The following SPAST variants were observed in gnomAD, a reference collection of about 807,000 sequenced individuals.
SPAST encodes the protein spastin.
A neutral mutation model predicts 76.6 loss-of-function variants in SPAST; 30 were observed. The ratio of observed to expected loss-of-function variants is 0.39; its 90% confidence interval spans 0.29 to 0.53. SPAST has a LOEUF of 0.53. Among genes scored for constraint, SPAST ranks in the 20% least tolerant of loss-of-function variants. The pLI is 0.68. For missense variants in SPAST, 717 were observed against 770.5 expected (o/e 0.93, Z 0.82); for synonymous variants, 305 against 281.0 (o/e 1.09, Z -0.86).
chr2:32,113,130 T>C (rs1471266598), intron 4 of SPAST, among the ~76,000 whole-genome samples: 1 of 152,076 alleles, frequency 6.6e-6, no homozygotes, highest in Admixed American at 6.6e-5. Context: ...TTGATTATTA[T>C]TATTATTTTT....
intron 1 of SPAST, among the ~76,000 whole-genome samples, chr2:32,069,214 CA>C (rs56319240): frequency 0.29 from 33,365 of 114,552 alleles, 3,968 homozygotes; most frequent in East Asian, 0.48. Context: ...CTCCATCTCT[CA>C]AAAAAAAAAA....
chr2:32,067,293 C>G (rs1676560135), intron 1 of SPAST, among the ~76,000 whole-genome samples: 2 of 152,086 alleles, frequency 1.3e-5, no homozygotes, highest in Admixed American at 1.3e-4. Flanking sequence ...AGCTCCTGAC[C>G]TCAAGTGAAC....
intron 9 of SPAST, among the ~76,000 whole-genome samples, chr2:32,131,458 A>G (rs965425355): frequency 3.9e-5 from 6 of 152,076 alleles, no homozygotes; most frequent in Non-Finnish European, 7.3e-5. Context: ...CTTCACTTCA[A>G]TTTTCAGTAG....
At chr2:32,107,553 A>G (rs1332246199) in intron 4 of SPAST, among the ~76,000 whole-genome samples, 1 of 152,148 alleles carries the variant, frequency 6.6e-6, no homozygotes, top group Non-Finnish European at 1.5e-5. Flanking sequence ...GTGCCTAGCC[A>G]AATATCCAAA....
At chr2:32,085,205 CTTTTT>C (rs11399879) in intron 1 of SPAST, among the ~76,000 whole-genome samples, 1 of 119,752 alleles carries the variant, frequency 8.4e-6, no homozygotes, top group African/African-American at 3.1e-5. Context: ...TCTTCTTCTT[CTTTTT>C]TTTTTTTTTT....
chr2:32,086,641 C>G (rs1378178251), intron 1 of SPAST, among the ~76,000 whole-genome samples: 1 of 151,696 alleles, frequency 6.6e-6, no homozygotes, highest in Non-Finnish European at 1.5e-5. Context: ...ACCTGTAACC[C>G]CAGCTACTCC....
At chr2:32,081,022 G>C (rs542671911) in intron 1 of SPAST, among the ~76,000 whole-genome samples, 5 of 151,454 alleles carry the variant, frequency 3.3e-5, no homozygotes, top group Admixed American at 1.3e-4. Context: ...GCAATGGCAC[G>C]ATCTTGGCTC....
chr2:32,113,863 G>A (rs775865953), intron 4 of SPAST, among the ~76,000 whole-genome samples: 14 of 151,820 alleles, frequency 9.2e-5, no homozygotes, highest in Non-Finnish European at 1.8e-4. Context: ...CATCGCGCCC[G>A]GCGCTTCATA....
rs1678518918 is a variant in SPAST at position 32,110,530 on chromosome 2, T to TA, written c.683-4108_683-4107insA. 1.4e-4 allele frequency among the ~76,000 whole-genome samples: 7 copies of TA among 50,526 alleles called. No homozygotes were observed. The East Asian group carries it at 5.3e-3, about 39-fold the overall frequency. 33.1% of individuals were successfully genotyped at this position (50,526 alleles called of 152,430 possible). A position where few individuals can be genotyped will look rare whatever the true frequency, so the allele number is the denominator to read the frequency against. ...TATAGTATATATATACTATATAGTG[T>TA]GTATATATAGTATATATATACTATA... On this transcript the variant is annotated intron_variant, in intron 4 of 16. Transcript: ENST00000315285.
intron 4 of SPAST, among the ~76,000 whole-genome samples, chr2:32,104,032 G>A (rs1336943322): frequency 6.6e-6 from 1 of 151,956 alleles, no homozygotes; most frequent in African/African-American, 2.4e-5. Context: ...TTGTTGATCT[G>A]TCTAATATTG....
chr2:32,125,635 C>G (rs1418623101), intron 7 of SPAST, among the ~76,000 whole-genome samples: 1 of 152,024 alleles, frequency 6.6e-6, no homozygotes, highest in Admixed American at 6.6e-5. Flanking sequence ...GGAGCTCTAC[C>G]CTTGATTCCT....
In SPAST at chr2:32,077,493, A is replaced by G. The variant is rs188105447; in HGVS notation, c.416-9999A>G. Among the ~76,000 whole-genome samples, 6 of 152,310 alleles carry G rather than the reference A, an allele frequency of 3.9e-5. No homozygotes were observed. In the East Asian group the frequency reaches 5.8e-4, roughly 15 times the overall value. ...AGTATCATCATATACCCTATTTTAT[A>G]TGATTTTTGCCACAAGTCAGAGTTA... is the stretch of plus-strand genomic sequence containing the variant. On this transcript the variant is annotated intron_variant, in intron 1 of 16. Coordinates refer to ENST00000315285, the MANE Select transcript of SPAST (RefSeq NM_014946.4).
intron 12 of SPAST, among the ~76,000 whole-genome samples, chr2:32,141,638 T>TA (rs1679722989): frequency 6.6e-6 from 1 of 152,264 alleles, no homozygotes. Flanking sequence ...CAGATCTACT[T>TA]ATATCAGATA....
At chr2:32,067,115 G>A (rs1156926862) in intron 1 of SPAST, among the ~76,000 whole-genome samples, 1 of 152,090 alleles carries the variant, frequency 6.6e-6, no homozygotes, top group East Asian at 1.9e-4. Context: ...AGGCTGGAGT[G>A]CAATGGTATG....
intron 9 of SPAST, among the ~76,000 whole-genome samples, chr2:32,131,841 T>A (rs961209055): frequency 2.0e-5 from 3 of 151,958 alleles, no homozygotes; most frequent in African/African-American, 7.3e-5. Context: ...TTTTGTATTT[T>A]AGTAGAGACG....
At chr2:32,083,655 CTA>C (rs61231740) in intron 1 of SPAST, among the ~76,000 whole-genome samples, 70,574 of 124,096 alleles carry the variant, frequency 0.57, 20,107 homozygotes, top group Admixed American at 0.6. Flanking sequence ...ACTCTGCCTA[CTA>C]TATATATATA....
chr2:32,143,492 G>T, intron 14 of SPAST, 77 bp downstream of exon 14: 1 of 860,906 alleles, frequency 1.2e-6, no homozygotes, highest in Non-Finnish European at 1.9e-6. Context: ...GTTATTTAAA[G>T]TAATCTTAAG....
chr2:32,064,971 G>A (rs2280968), intron 1 of SPAST, among the ~76,000 whole-genome samples: 3 of 151,646 alleles, frequency 2.0e-5, no homozygotes, highest in Non-Finnish European at 4.4e-5. Context: ...AACTATGTAT[G>A]TTTCTGAATG....
chr2:32,149,534 G>C (rs530835714), intron 16 of SPAST, among the ~76,000 whole-genome samples: 1 of 152,178 alleles, frequency 6.6e-6, no homozygotes, highest in South Asian at 2.1e-4. Flanking sequence ...TTGAAATCAG[G>C]CTTGAATTAC....
Sources: allele counts gnomAD v4.1 joint callset (sites outside exome capture counted in the v4.1 genomes callset), GRCh38; gene constraint gnomAD v4.1.1; transcripts MANE v1.5; gene names NCBI Gene and HGNC (gene_info 2026-07-23, HGNC 2026-07-21).